The following ZNF362 variants were observed in gnomAD, a reference collection of about 807,000 sequenced individuals.
ZNF362 encodes zinc finger protein 362.
ZNF362 carries 11 observed loss-of-function variants against 42.9 expected under a neutral mutation model. The ratio of observed to expected loss-of-function variants is 0.26; its 90% CI spans 0.16 to 0.42. The LOEUF (loss-of-function observed/expected upper bound fraction) is 0.42, where lower values mean the gene tolerates loss of function less well. ZNF362 is among the 20% of genes least tolerant of loss of function. The pLI is 1.00. For missense variants in ZNF362, 362 were observed against 576.2 expected (o/e 0.63, Z 3.81); for synonymous variants, 255 against 257.3 (o/e 0.99, Z 0.09).
At chr1:33,245,563 G>C in the ZNF362 span, among the ~76,000 whole-genome samples, 1 of 152,166 alleles carries the variant, frequency 6.6e-6, no homozygotes, top group Admixed American at 6.5e-5. Context: ...ATCGTGAGAT[G>C]AGATCTGAAG....
At chr1:33,217,386 C>T in the ZNF362 span, among the ~76,000 whole-genome samples, 1 of 152,196 alleles carries the variant, frequency 6.6e-6, no homozygotes, top group Non-Finnish European at 1.5e-5. Context: ...TCTGTCACTC[C>T]TGCCTCACAC....
the ZNF362 span, among the ~76,000 whole-genome samples, chr1:33,189,683 A>G: frequency 5.1e-4 from 8 of 15,702 alleles, no homozygotes; most frequent in South Asian, 8.2e-3. Context: ...GTATATATAT[A>G]CGTATATATA....
At chr1:33,166,782 C>T in the ZNF362 span, among the ~76,000 whole-genome samples, 1 of 152,162 alleles carries the variant, frequency 6.6e-6, no homozygotes, top group African/African-American at 2.4e-5. Context: ...TAAATAAAAA[C>T]ACAATCAGCC....
At chr1:33,173,440 TG>T in the ZNF362 span, among the ~76,000 whole-genome samples, 44 of 152,186 alleles carry the variant, frequency 2.9e-4, no homozygotes, top group African/African-American at 9.9e-4. Flanking sequence ...TATGTGTGTA[TG>T]TGTGTGTGTG....
Position 33,270,538 on chromosome 1 carries a change from C to T in ZNF362, c.-37C>T, listed in dbSNP as rs746403449. The stretch of plus-strand genomic sequence containing the variant: ...ACTGGCTGGGGGTTCAGGGAAAGCT[C>T]CGTAGAAGAGGGAACACTTGAGCTG... On this transcript the variant is annotated 5_prime_UTR_variant, in exon 2 of 9. Coordinates refer to ENST00000539719, the MANE Select transcript of ZNF362 (RefSeq NM_152493.3). The T allele has an allele frequency of 4.3e-6, 6 of 1,402,198 alleles. No individual in the cohort carries two copies. Among genetic ancestry groups the T allele is most frequent in the Non-Finnish European group, 6.1e-6 (6 of 989,900 alleles). The allele number at this position is 1,402,198 out of a possible 1,614,324, so 86.9% of individuals were successfully genotyped here. A position where few individuals can be genotyped will look rare whatever the true frequency, so the allele number is the denominator to read the frequency against.
chr1:33,300,047 C>T lies in ZNF362; in HGVS notation c.*1001C>T, dbSNP rs932710802. ...GGGGAGGCAGGTCCCAGGAGCAGAC[C>T]CTGCCCCCAGCCCCCACAGACACAC... On this transcript the variant is annotated 3_prime_UTR_variant, in exon 9 of 9. Coordinates refer to ENST00000539719, the MANE Select transcript of ZNF362 (RefSeq NM_152493.3). 2.0e-5 allele frequency: 3 copies of T among 152,628 alleles called. No individual in the cohort carries two copies. Among genetic ancestry groups the T allele is most frequent in the African/African-American group, 7.2e-5 (3 of 41,412 alleles). 9.5% of individuals were successfully genotyped at this position (152,628 alleles called of 1,614,324 possible). A position where few individuals can be genotyped will look rare whatever the true frequency, so the allele number is the denominator to read the frequency against.
rs908296766 is a variant in ZNF362, at chr1:33,299,007, G to A, written c.1224G>A (p.Thr408=). ...HLVSHHSPQR[T]ESPGIPVRIS... ...TGAGCCATCACTCGCCCCAGAGGAC[G>A]GAGTCCCCCGGCATCCCGGTGCGAA... The change falls in exon 9 of 9, where the codon ACG becomes ACA. Residue 408 remains threonine, a synonymous_variant. Transcript: ENST00000539719. 5.6e-6 allele frequency: 9 copies of A among 1,612,178 alleles called. No homozygotes were observed. The highest frequency in any genetic ancestry group is 2.2e-5 in the East Asian group (1 of 44,896).
At chr1:33,198,487 C>A in the ZNF362 span, among the ~76,000 whole-genome samples, 1 of 152,054 alleles carries the variant, frequency 6.6e-6, no homozygotes, top group African/African-American at 2.4e-5. Context: ...GACAACATGG[C>A]AAAACCCCAT....
chr1:33,161,989 C>T, the ZNF362 span, among the ~76,000 whole-genome samples: 1 of 152,154 alleles, frequency 6.6e-6, no homozygotes, highest in South Asian at 2.1e-4. This position sits in a 1 kb window ranked among gnomAD's most constrained non-coding sequence, Gnocchi z 4.3. Context: ...ATATAGATGG[C>T]CTTGCCTGTC....
chr1:33,159,744 C>A, the ZNF362 span: 7 of 1,612,796 alleles, frequency 4.3e-6, no homozygotes, highest in East Asian at 1.3e-4. The surrounding 1 kb of genome is among the most constrained non-coding windows in gnomAD (Gnocchi z 4.2). Context: ...TTTCAGCCAG[C>A]CGCTCCTGCA....
At chr1:33,136,113 CCCTTCCTTCCTTCCTTCCTT>C in the ZNF362 span, among the ~76,000 whole-genome samples, 209 of 103,568 alleles carry the variant, frequency 2.0e-3, 2 homozygotes, top group African/African-American at 4.4e-3. Context: ...CAGGGGCCAG[CCCTTCCTTCCTTCCTTCCTT>C]CCTTCCTTCC....
At chr1:33,230,569 A>G in the ZNF362 span, among the ~76,000 whole-genome samples, 4 of 152,224 alleles carry the variant, frequency 2.6e-5, no homozygotes, top group Non-Finnish European at 5.9e-5. Context: ...GCCCAGTGCT[A>G]AGTGTTCGCA....
chr1:33,214,575 G>T, the ZNF362 span, among the ~76,000 whole-genome samples: 1 of 152,098 alleles, frequency 6.6e-6, no homozygotes, highest in African/African-American at 2.4e-5. Flanking sequence ...ACAATGAAAG[G>T]CAATATTTGC....
At chr1:33,199,194 G>C in the ZNF362 span, among the ~76,000 whole-genome samples, 2 of 151,932 alleles carry the variant, frequency 1.3e-5, no homozygotes, top group East Asian at 3.9e-4. Context: ...CTAAACACAA[G>C]AAACATAAAG....
the ZNF362 span, among the ~76,000 whole-genome samples, chr1:33,130,583 C>A: frequency 1.3e-5 from 2 of 152,218 alleles, no homozygotes; most frequent in African/African-American, 4.8e-5. Flanking sequence ...AGAATGACTG[C>A]AGCCCCAGCC....
chr1:33,219,866 G>C, the ZNF362 span, among the ~76,000 whole-genome samples: 4 of 152,104 alleles, frequency 2.6e-5, no homozygotes, highest in Admixed American at 2.0e-4. Context: ...GGAGGAAATT[G>C]TTTCTGTCCT....
the ZNF362 span, among the ~76,000 whole-genome samples, chr1:33,174,216 T>G: frequency 2.0e-5 from 3 of 151,896 alleles, no homozygotes; most frequent in Admixed American, 2.0e-4. Flanking sequence ...CTCACTCTGT[T>G]GCCCAGGCTG....
intron 1 of ZNF362, among the ~76,000 whole-genome samples, chr1:33,263,215 T>G (rs559856648): frequency 6.6e-6 from 1 of 152,342 alleles, no homozygotes; most frequent in South Asian, 2.1e-4. Flanking sequence ...CACCTACACC[T>G]GGCCTGGATC....
chr1:33,245,375 A>C, the ZNF362 span, among the ~76,000 whole-genome samples: 1 of 152,144 alleles, frequency 6.6e-6, no homozygotes, highest in South Asian at 2.1e-4. Flanking sequence ...TCCATGCCTA[A>C]TCCTGAGGCA....
Sources: allele counts gnomAD v4.1 joint callset (sites outside exome capture counted in the v4.1 genomes callset), GRCh38; gene constraint gnomAD v4.1.1; non-coding constraint Gnocchi (gnomAD v3.1); transcripts MANE v1.5; gene names NCBI Gene and HGNC (gene_info 2026-07-23, HGNC 2026-07-21).